The following ROBO2 variants were observed in gnomAD, a reference collection of about 807,000 sequenced individuals.
ROBO2 encodes the protein roundabout guidance receptor 2.
In ROBO2, 53 loss-of-function variants were observed where a neutral mutation model predicts 160.8. The ratio of observed to expected loss-of-function variants is 0.33; its 90% CI spans 0.26 to 0.41. ROBO2 has a LOEUF of 0.41. ROBO2 is among the 10% of genes least tolerant of loss of function. The pLI, the probability that ROBO2 is intolerant of heterozygous loss-of-function variation, is 1.00. For synonymous variants in ROBO2, 664 were observed against 611.7 expected (o/e 1.09, Z -1.26); for missense variants, 1,577 against 1,722.4 (o/e 0.92, Z 1.49).
At chr3:77,157,082 A>G (rs2078077852) in intron 2 of ROBO2, among the ~76,000 whole-genome samples, 1 of 151,990 alleles carries the variant, frequency 6.6e-6, no homozygotes, top group Non-Finnish European at 1.5e-5. Context: ...CACATTAAAT[A>G]GGCCCTACAG....
intron 2 of ROBO2, among the ~76,000 whole-genome samples, chr3:76,237,725 A>G (rs1018893483): frequency 1.3e-5 from 2 of 152,220 alleles, no homozygotes; most frequent in Non-Finnish European, 2.9e-5. Flanking sequence ...GAACAGAAAG[A>G]AATAGGAAAA....
At chr3:77,362,854 G>A (rs2070245871) in intron 2 of ROBO2, among the ~76,000 whole-genome samples, 1 of 152,066 alleles carries the variant, frequency 6.6e-6, no homozygotes, top group Non-Finnish European at 1.5e-5. Context: ...GCGTTGAGAG[G>A]AACTCCTTTT....
At chr3:76,757,317 A>G (rs559911857) in intron 2 of ROBO2, among the ~76,000 whole-genome samples, 34 of 151,928 alleles carry the variant, frequency 2.2e-4, no homozygotes, top group African/African-American at 7.0e-4. Flanking sequence ...ACCCAGAGAT[A>G]CTGAACTTTT....
intron 2 of ROBO2, among the ~76,000 whole-genome samples, chr3:76,262,886 C>A (rs1414232245): frequency 1.3e-5 from 2 of 151,976 alleles, no homozygotes; most frequent in African/African-American, 2.4e-5. Context: ...AAATTGGTTC[C>A]AAATCTTCTA....
At chr3:76,668,267 T>TTA (rs1553860714) in intron 2 of ROBO2, among the ~76,000 whole-genome samples, 2 of 150,526 alleles carry the variant, frequency 1.3e-5, no homozygotes, top group African/African-American at 4.9e-5. Context: ...GCCCAGCTAT[T>TTA]AAAAAAAAAT....
intron 2 of ROBO2, among the ~76,000 whole-genome samples, chr3:76,047,073 T>C (rs2067477391): frequency 6.6e-6 from 1 of 152,214 alleles, no homozygotes; most frequent in Non-Finnish European, 1.5e-5. Flanking sequence ...GTAACAACCA[T>C]AGGATCTCTA....
At chr3:77,220,220 C>G (rs1033880791) in intron 2 of ROBO2, among the ~76,000 whole-genome samples, 1 of 151,998 alleles carries the variant, frequency 6.6e-6, no homozygotes, top group African/African-American at 2.4e-5. Context: ...CCATATTGTC[C>G]AGGCTGGTCT....
chr3:77,072,135 A>C (rs940835397), intron 1 of ROBO2, among the ~76,000 whole-genome samples: 1 of 152,088 alleles, frequency 6.6e-6, no homozygotes, highest in Non-Finnish European at 1.5e-5. Flanking sequence ...CTGTTTGTGA[A>C]CTGTGCATTC....
chr3:77,260,126 A>T (rs977183768), intron 2 of ROBO2, among the ~76,000 whole-genome samples: 1 of 152,152 alleles, frequency 6.6e-6, no homozygotes, highest in African/African-American at 2.4e-5. Flanking sequence ...GTAATAAAAC[A>T]GGTGGTCATC....
intron 2 of ROBO2, among the ~76,000 whole-genome samples, chr3:76,079,640 C>A (rs893200609): frequency 2.6e-5 from 4 of 151,948 alleles, no homozygotes; most frequent in African/African-American, 9.7e-5. Flanking sequence ...CATGCCGCCA[C>A]ACCCGGCTAA....
intron 2 of ROBO2, among the ~76,000 whole-genome samples, chr3:76,253,039 G>A (rs899815296): frequency 6.6e-6 from 1 of 151,958 alleles, no homozygotes; most frequent in African/African-American, 2.4e-5. Context: ...TGATTTTAGA[G>A]TTAGTCACAT....
chr3:76,481,683 G>A (rs1484320111), intron 2 of ROBO2, among the ~76,000 whole-genome samples: 1 of 152,092 alleles, frequency 6.6e-6, no homozygotes, highest in East Asian at 1.9e-4. Flanking sequence ...GGAACTCTGT[G>A]AGTGAATCCC....
At chr3:76,529,137 A>G (rs2082098151) in intron 2 of ROBO2, among the ~76,000 whole-genome samples, 1 of 152,192 alleles carries the variant, frequency 6.6e-6, no homozygotes, top group Admixed American at 6.6e-5. Context: ...AGAAAATAAA[A>G]CAGACAAGAG....
At chr3:77,258,014 C>G (rs938742551) in intron 2 of ROBO2, among the ~76,000 whole-genome samples, 1 of 152,186 alleles carries the variant, frequency 6.6e-6, no homozygotes, top group African/African-American at 2.4e-5. Context: ...TTACATTAAA[C>G]TCTGCTATAC....
At chr3:76,503,802 G>A (rs2107667306) in intron 2 of ROBO2, among the ~76,000 whole-genome samples, 1 of 152,290 alleles carries the variant, frequency 6.6e-6, no homozygotes, top group Admixed American at 6.5e-5. Context: ...GGGAGGTGAG[G>A]TTATAGGGGA....
chr3:76,109,098 T>C (rs2070093009), intron 2 of ROBO2, among the ~76,000 whole-genome samples: 1 of 151,978 alleles, frequency 6.6e-6, no homozygotes, highest in South Asian at 2.1e-4. Context: ...ACCTACAATA[T>C]TGAAATTATT....
intron 2 of ROBO2, among the ~76,000 whole-genome samples, chr3:76,484,981 TTATTATTTATTTA>T (rs2079414804): frequency 6.6e-6 from 1 of 152,102 alleles, no homozygotes; most frequent in Admixed American, 6.6e-5. Flanking sequence ...TCCTATTCCC[TTATTATTTATTTA>T]AGCTAAGTTA....
chr3:77,249,333 C>T (rs1214225186), intron 2 of ROBO2, among the ~76,000 whole-genome samples: 4 of 152,220 alleles, frequency 2.6e-5, no homozygotes, highest in South Asian at 2.1e-4. Context: ...ATATTCTGTA[C>T]AATTTGTAAT....
intron 1 of ROBO2, among the ~76,000 whole-genome samples, chr3:77,097,489 C>G (rs1165092206): frequency 6.6e-6 from 1 of 152,124 alleles, no homozygotes; most frequent in Non-Finnish European, 1.5e-5. Context: ...CTTGCCTCAT[C>G]TACATTTCTG....
Sources: allele counts gnomAD v4.1 joint callset (sites outside exome capture counted in the v4.1 genomes callset), GRCh38; gene constraint gnomAD v4.1.1; transcripts MANE v1.5; gene names NCBI Gene and HGNC (gene_info 2026-07-23, HGNC 2026-07-21).